The following FRMD6 variants were observed in gnomAD, a reference collection of about 807,000 sequenced individuals.
The protein encoded by FRMD6 is FERM domain containing 6.
In FRMD6, 37 loss-of-function variants were observed where a neutral mutation model predicts 73.2. The observed-to-expected ratio is 0.51, with a 90% confidence interval of 0.39 to 0.66. The LOEUF is 0.66. Ranked by LOEUF, FRMD6 falls within the 30% of genes least tolerant of loss-of-function variation. The pLI is 0.00. For missense variants in FRMD6, 714 were observed against 780.5 expected, an observed-to-expected ratio of 0.91 and a Z score of 1.02; for synonymous variants, 273 against 282.2, an observed-to-expected ratio of 0.97 and a Z score of 0.33.
chr14:51,661,845 A>G (rs921975498), intron 1 of FRMD6, among the ~76,000 whole-genome samples: 4 of 152,234 alleles, frequency 2.6e-5, no homozygotes, highest in African/African-American at 9.6e-5. Flanking sequence ...TCAGTTTTGT[A>G]TATTACAAAT....
At chr14:51,499,104 G>C (rs558551009) in intron 1 of FRMD6, among the ~76,000 whole-genome samples, 20 of 152,198 alleles carry the variant, frequency 1.3e-4, no homozygotes, top group Non-Finnish European at 2.6e-4. Context: ...TTTCAATACA[G>C]TTACTTCTCA....
intron 2 of FRMD6, among the ~76,000 whole-genome samples, chr14:51,571,312 G>A (rs112535781): frequency 3.4e-4 from 52 of 152,358 alleles, no homozygotes; most frequent in Middle Eastern, 6.8e-3. Context: ...TGAGGAGTTC[G>A]ATGCTGCAGT....
chr14:51,415,750 C>T, the FRMD6 span, among the ~76,000 whole-genome samples: 2 of 152,166 alleles, frequency 1.3e-5, no homozygotes, highest in African/African-American at 4.8e-5. Context: ...CTTTGTACCT[C>T]TGGTAGAATT....
chr14:51,515,481 T>TG (rs979327942), intron 1 of FRMD6, among the ~76,000 whole-genome samples: 59 of 152,172 alleles, frequency 3.9e-4, no homozygotes, highest in Non-Finnish European at 7.4e-4. Flanking sequence ...GTGCAACTGG[T>TG]GCCCCCATTT....
At chr14:51,700,164 C>A (rs1252245534) in intron 3 of FRMD6, among the ~76,000 whole-genome samples, 1 of 151,782 alleles carries the variant, frequency 6.6e-6, no homozygotes, top group Non-Finnish European at 1.5e-5. Flanking sequence ...CAGAGCTTTC[C>A]GTGAAGATGT....
intron 1 of FRMD6, among the ~76,000 whole-genome samples, chr14:51,497,032 G>T (rs1470638831): frequency 6.6e-6 from 1 of 152,108 alleles, no homozygotes; most frequent in Admixed American, 6.5e-5. Flanking sequence ...TGTTGAAACA[G>T]GGACATGGTA....
rs879513047 is a variant in FRMD6 at position 51,633,275 on chromosome 14, C to CT, written c.-146-56404dup. On this transcript the variant is annotated intron_variant, in intron 2 of 14. Coordinates refer to the FRMD6 transcript ENST00000356218. ...AGGAGTTTGTTATTATTTACCTCCT[C>CT]TTTTTTTTTTTTATTTTTTAAAATC... Among the ~76,000 whole-genome samples the CT allele has an allele frequency of 2.2e-3, 317 of 144,440 alleles. 1 individual carries two copies. The highest frequency in any genetic ancestry group is 4.5e-3 in the African/African-American group (179 of 39,656). 94.8% of individuals were successfully genotyped at this position (144,440 alleles called of 152,430 possible).
chr14:51,552,412 G>A (rs1244927536), intron 1 of FRMD6, among the ~76,000 whole-genome samples: 3 of 152,226 alleles, frequency 2.0e-5, no homozygotes, highest in East Asian at 1.9e-4. Context: ...CAAGAGGGAC[G>A]AGTAGCCTTT....
At chr14:51,725,139 C>T (rs1897877525) in intron 12 of FRMD6, among the ~76,000 whole-genome samples, 2 of 152,116 alleles carry the variant, frequency 1.3e-5, no homozygotes. Flanking sequence ...ATGTATAGTC[C>T]CTGTACCTCA....
At chr14:51,451,162 T>A in the FRMD6 span, among the ~76,000 whole-genome samples, 1 of 152,182 alleles carries the variant, frequency 6.6e-6, no homozygotes, top group Non-Finnish European at 1.5e-5. Flanking sequence ...CCTGTGTAGA[T>A]ACCTACATAA....
intron 1 of FRMD6, among the ~76,000 whole-genome samples, chr14:51,675,839 T>G (rs1275255222): frequency 6.6e-6 from 1 of 152,138 alleles, no homozygotes; most frequent in Non-Finnish European, 1.5e-5. Flanking sequence ...TGAGTGTGTC[T>G]AGGTAACAAC....
intron 1 of FRMD6, among the ~76,000 whole-genome samples, chr14:51,523,365 G>A (rs1885051001): frequency 6.6e-6 from 1 of 152,176 alleles, no homozygotes; most frequent in Non-Finnish European, 1.5e-5. Context: ...GGTGGGGCAA[G>A]ATAAGAGCCG....
chr14:51,491,721 C>T (rs1349049418), intron 1 of FRMD6, among the ~76,000 whole-genome samples: 1 of 152,194 alleles, frequency 6.6e-6, no homozygotes, highest in Non-Finnish European at 1.5e-5. Context: ...AATCTAAGTG[C>T]CCGACTCCAA....
chr14:51,613,402 C>T (rs937234991), intron 2 of FRMD6, among the ~76,000 whole-genome samples: 4 of 152,146 alleles, frequency 2.6e-5, no homozygotes, highest in Admixed American at 2.0e-4. Flanking sequence ...GGAGCAGTAT[C>T]GGGGTAAGAG....
chr14:51,510,100 T>A (rs966393252), intron 1 of FRMD6, among the ~76,000 whole-genome samples: 2 of 152,240 alleles, frequency 1.3e-5, no homozygotes, highest in Admixed American at 1.3e-4. Flanking sequence ...TTGTTTATTT[T>A]TCATCCATCT....
intron 10 of FRMD6, among the ~76,000 whole-genome samples, chr14:51,718,367 G>A (rs1897347080): frequency 6.6e-6 from 1 of 152,174 alleles, no homozygotes; most frequent in South Asian, 2.1e-4. Flanking sequence ...GAAGTTGAGA[G>A]TAAAAAGGCT....
chr14:51,421,613 G>C, the FRMD6 span, among the ~76,000 whole-genome samples: 2 of 152,224 alleles, frequency 1.3e-5, no homozygotes, highest in African/African-American at 4.8e-5. Context: ...AAGAGCCTGA[G>C]TGCTATAGGG....
chr14:51,482,949 G>A, the FRMD6 span, among the ~76,000 whole-genome samples: 17 of 152,060 alleles, frequency 1.1e-4, no homozygotes, highest in Admixed American at 2.0e-4. Context: ...TGATCTACCC[G>A]CCTCAGCCTC....
intron 1 of FRMD6, among the ~76,000 whole-genome samples, chr14:51,653,971 C>A (rs1292974554): frequency 6.6e-6 from 1 of 152,144 alleles, no homozygotes; most frequent in Non-Finnish European, 1.5e-5. Flanking sequence ...TAATTTTCCC[C>A]CCTTTGAGTT....
Sources: gnomAD v4.1 joint callset for allele counts (sites outside exome capture counted in the v4.1 genomes callset) on GRCh38, gnomAD v4.1.1 for gene constraint, MANE v1.5 for transcripts, NCBI Gene and HGNC (gene_info 2026-07-23, HGNC 2026-07-21) for gene names.